Variants in F13A1 observed in about 807,000 individuals in gnomAD.
F13A1 encodes coagulation factor XIII A chain.
A neutral mutation model predicts 80.1 loss-of-function variants in F13A1; 47 were observed. The observed-to-expected ratio is 0.59, with a 90% CI of 0.46 to 0.75. The LOEUF (loss-of-function observed/expected upper bound fraction) is 0.75. Among genes scored for constraint, F13A1 ranks in the 30% least tolerant of loss-of-function variants. The probability of loss-of-function intolerance (pLI) is 0.00; values close to 1 mark genes in which losing one functional copy is unlikely to be tolerated. For missense variants in F13A1, 817 were observed against 930.4 expected (o/e 0.88, Z 1.59); for synonymous variants, 349 against 344.9 (o/e 1.01, Z -0.13).
At chr6:6,316,723 C>T (rs1457960296) in intron 2 of F13A1, among the ~76,000 whole-genome samples, 1 of 152,174 alleles carries the variant, frequency 6.6e-6, no homozygotes, top group Non-Finnish European at 1.5e-5. Flanking sequence ...CATTCCCAGT[C>T]AATGAACACT....
In F13A1 at chr6:6,151,794, T is replaced by A. The variant is rs1368142525; in HGVS notation, c.2045+19A>T. On this transcript the variant is annotated intron_variant, in intron 14 of 14. Transcript: ENST00000264870. ...ACAGCCCTGCACTGCCTGCCCGGTC[T>A]CCCCAACCCAAGGTTTACCGGAACA... 1 of 1,613,976 alleles carries A rather than the reference T, an allele frequency of 6.2e-7. No homozygotes were observed.
At chr6:6,178,073 T>G (rs750601158) in intron 11 of F13A1, among the ~76,000 whole-genome samples, 10 of 141,086 alleles carry the variant, frequency 7.1e-5, no homozygotes, top group African/African-American at 1.6e-4. Flanking sequence ...TTTTAAGCAG[T>G]GCTGGGAGAG....
At position 6,144,346 on chromosome 6, in the gene F13A1, TC is replaced by T. The variant is rs1264611893; in HGVS notation, c.*1272del. ...AATGTGGTTATATAGACCAGAGCAT[TC>T]CATTCTGATTTTGCCCCCAGTATAC... On this transcript the variant is annotated 3_prime_UTR_variant, in exon 15 of 15. Coordinates refer to ENST00000264870, the MANE Select transcript of F13A1 (RefSeq NM_000129.4). 6.6e-6 allele frequency: 1 copy of T among 152,172 alleles called. No individual in the cohort carries two copies. The highest frequency in any genetic ancestry group is 2.4e-5 in the African/African-American group (1 of 41,450). 9.4% of individuals were successfully genotyped at this position (152,172 alleles called of 1,614,324 possible). A position where few individuals can be genotyped will look rare whatever the true frequency, so the allele number is the denominator to read the frequency against.
At position 6,320,569 on chromosome 6, in the gene F13A1, GCA is replaced by G. The variant is rs1561691317; in HGVS notation, c.-19+16_-19+17del. The G allele has an allele frequency of 4.3e-6, 2 of 465,238 alleles. No individual in the cohort carries two copies. The highest frequency in any genetic ancestry group is 3.1e-5 in the South Asian group (2 of 63,520). 28.8% of individuals were successfully genotyped at this position (465,238 alleles called of 1,614,324 possible). On this transcript the variant is annotated intron_variant, in intron 1 of 14. Transcript: ENST00000264870. ...CGCAGCGGGCCCTGGCTCATAGGGT[GCA>G]GGGTCGGTGGCTTACCTGCAGGCGC...
At chr6:6,213,414 T>C (rs897205142) in intron 8 of F13A1, among the ~76,000 whole-genome samples, 22 of 152,208 alleles carry the variant, frequency 1.4e-4, no homozygotes, top group Middle Eastern at 3.4e-3. Context: ...CCGAATTTCA[T>C]ATCCAGCCAA....
At chr6:6,220,260 G>A (rs1001663018) in intron 8 of F13A1, among the ~76,000 whole-genome samples, 13 of 152,176 alleles carry the variant, frequency 8.5e-5, no homozygotes, top group African/African-American at 3.1e-4. Flanking sequence ...GGGTGGGTGA[G>A]GGTCCCAGGC....
Position 6,213,381 on chromosome 6 carries a change from TC to T in F13A1, c.1112+8651del, listed in dbSNP as rs1268851878. Among the ~76,000 whole-genome samples, 7 of 152,128 alleles carry T rather than the reference TC, an allele frequency of 4.6e-5. No homozygotes were observed. The South Asian group carries it at 1.5e-3, about 32-fold the overall frequency. On this transcript the variant is annotated intron_variant, in intron 8 of 14. Coordinates refer to ENST00000264870, the MANE Select transcript of F13A1 (RefSeq NM_000129.4). ...GAGAGTGGGGGCCAATATTCAACAT[TC>T]TTAAAGAAAGAATTTTCAACCCCGA...
chr6:6,301,612 A>T (rs1288043210), intron 3 of F13A1, among the ~76,000 whole-genome samples: 2 of 152,192 alleles, frequency 1.3e-5, no homozygotes, highest in African/African-American at 4.8e-5. Flanking sequence ...CCCCTCTTTT[A>T]TTGAGGGAAC....
chr6:6,240,510 A>C (rs553899811), intron 6 of F13A1, among the ~76,000 whole-genome samples: 1 of 152,268 alleles, frequency 6.6e-6, no homozygotes, highest in South Asian at 2.1e-4. Flanking sequence ...TTGTGTGTGA[A>C]TTAGTGGGGC....
chr6:6,187,263 A>G lies in F13A1; in HGVS notation c.1306-5122T>C, dbSNP rs894701313. On this transcript the variant is annotated intron_variant, in intron 10 of 14. Transcript: ENST00000264870. ...GCCAGAATTTCCAACACTATGTTGA[A>G]TAGGAGTGGTGAGAGAGGGCATCCC... Among the ~76,000 whole-genome samples the G allele has an allele frequency of 2.9e-5, 3 of 102,366 alleles. 1 individual carries two copies. Among genetic ancestry groups the G allele is most frequent in the Non-Finnish European group, 5.9e-5 (3 of 51,076 alleles). 67.2% of individuals were successfully genotyped at this position (102,366 alleles called of 152,430 possible).
At chr6:6,153,560 T>A (rs1760420511) in intron 13 of F13A1, among the ~76,000 whole-genome samples, 1 of 152,202 alleles carries the variant, frequency 6.6e-6, no homozygotes, top group East Asian at 1.9e-4. Flanking sequence ...TACATTTAAA[T>A]CCGCATCTCC....
chr6:6,236,057 T>C (rs565724494), intron 6 of F13A1, among the ~76,000 whole-genome samples: 2 of 152,242 alleles, frequency 1.3e-5, no homozygotes, highest in East Asian at 3.9e-4. Flanking sequence ...AAGGAGTACA[T>C]ACTGCATGAT....
intron 2 of F13A1, among the ~76,000 whole-genome samples, chr6:6,316,078 C>CATATATATAT (rs57716665): frequency 2.9e-5 from 1 of 34,906 alleles, no homozygotes; most frequent in African/African-American, 6.9e-5. Context: ...TGTGTGTGTG[C>CATATATATAT]ATATATATAT....
At chr6:6,156,367 T>C (rs917424541) in intron 13 of F13A1, among the ~76,000 whole-genome samples, 1 of 152,234 alleles carries the variant, frequency 6.6e-6, no homozygotes, top group African/African-American at 2.4e-5. Flanking sequence ...AATCACAAGA[T>C]ATCTTCCACT....
At chr6:6,219,700 GGACCACCTA>G (rs1561659069) in intron 8 of F13A1, among the ~76,000 whole-genome samples, 1 of 152,088 alleles carries the variant, frequency 6.6e-6, no homozygotes, top group Non-Finnish European at 1.5e-5. Context: ...TTGTTTTCCT[GGACCACCTA>G]TAACTTCTAA....
intron 10 of F13A1, among the ~76,000 whole-genome samples, chr6:6,193,871 A>G (rs1761245207): frequency 6.6e-6 from 1 of 152,176 alleles, no homozygotes; most frequent in Admixed American, 6.5e-5. Context: ...AAATCTTCAA[A>G]TCCCAAAGTG....
intron 3 of F13A1, among the ~76,000 whole-genome samples, chr6:6,281,226 T>A (rs996919558): frequency 6.6e-6 from 1 of 152,224 alleles, no homozygotes; most frequent in Non-Finnish European, 1.5e-5. Flanking sequence ...TTCCTTCATA[T>A]CTTAAATGAA....
intron 9 of F13A1, among the ~76,000 whole-genome samples, chr6:6,196,511 C>A (rs752844624): frequency 4.1e-4 from 62 of 152,150 alleles, no homozygotes; most frequent in Non-Finnish European, 7.4e-4. Flanking sequence ...AAACTTTCTT[C>A]CTTAAAGCCT....
intron 3 of F13A1, among the ~76,000 whole-genome samples, chr6:6,297,081 A>G: frequency 6.8e-6 from 1 of 147,480 alleles, no homozygotes. Context: ...CCAGCCTTGC[A>G]TCCCAGGGAT....
Sources: gnomAD v4.1 joint callset for allele counts (sites outside exome capture counted in the v4.1 genomes callset) on GRCh38, gnomAD v4.1.1 for gene constraint, MANE v1.5 for transcripts, NCBI Gene and HGNC (gene_info 2026-07-23, HGNC 2026-07-21) for gene names.